Variants in ST6GALNAC5 observed in about 807,000 individuals in gnomAD.
ST6GALNAC5 encodes the protein alpha-N-acetylgalactosaminide alpha-2,6-sialyltransferase 5.
In ST6GALNAC5, 27 loss-of-function variants were observed where a neutral mutation model predicts 33.6. The ratio of observed to expected loss-of-function variants is 0.80; its 90% CI spans 0.59 to 1.11. The LOEUF (loss-of-function observed/expected upper bound fraction) is 1.11, where lower values mean the gene tolerates loss of function less well. Among genes scored for constraint, ST6GALNAC5 ranks in the 50% least tolerant of loss-of-function variants. The probability of loss-of-function intolerance (pLI) is 0.00; values close to 1 mark genes in which losing one functional copy is unlikely to be tolerated. For missense variants in ST6GALNAC5, 428 were observed against 454.0 expected (o/e 0.94, Z 0.52); for synonymous variants, 194 against 171.2 (o/e 1.13, Z -1.04).
At chr1:76,946,229 C>T (rs1038550936) in intron 2 of ST6GALNAC5, among the ~76,000 whole-genome samples, 1 of 152,122 alleles carries the variant, frequency 6.6e-6, no homozygotes, top group Non-Finnish European at 1.5e-5. Flanking sequence ...AAAGTATACA[C>T]TTTACCTCCA....
At chr1:77,022,211 AAACCTTGCTTTATAATATACCTGC>A (rs1651081810) in intron 2 of ST6GALNAC5, among the ~76,000 whole-genome samples, 1 of 152,214 alleles carries the variant, frequency 6.6e-6, no homozygotes, top group African/African-American at 2.4e-5. Context: ...TCTGAAGCAG[AAACCTTGCTTTATAATATACCTGC>A]ACCTTTCCTA....
chr1:77,017,168 A>T (rs1252101359), intron 2 of ST6GALNAC5, among the ~76,000 whole-genome samples: 1 of 143,804 alleles, frequency 7.0e-6, no homozygotes, highest in East Asian at 2.0e-4. Flanking sequence ...AAAAAAAAAA[A>T]GGTAAAGACA....
intron 4 of ST6GALNAC5, among the ~76,000 whole-genome samples, chr1:77,061,025 C>T (rs1207098074): frequency 6.6e-6 from 1 of 152,058 alleles, no homozygotes; most frequent in East Asian, 1.9e-4. Context: ...TCAGCTTCAA[C>T]CTGAATTTTT....
intron 2 of ST6GALNAC5, among the ~76,000 whole-genome samples, chr1:76,984,529 T>C (rs1417918135): frequency 6.6e-6 from 1 of 152,142 alleles, no homozygotes; most frequent in African/African-American, 2.4e-5. Context: ...ATTAATAGCC[T>C]ACCAAAGAAA....
intron 2 of ST6GALNAC5, among the ~76,000 whole-genome samples, chr1:76,872,813 G>T (rs910363944): frequency 6.6e-6 from 1 of 152,084 alleles, no homozygotes; most frequent in Non-Finnish European, 1.5e-5. Context: ...CAATGCTCAG[G>T]TATTATAAGA....
rs1038592082 is a variant in ST6GALNAC5 at position 77,064,867 on chromosome 1, T to G, written c.*1661T>G. ...TTATCGCATTACCACTTCTTTTCCCTTTTCTTAATTAGTACACTAACTAGT... is the reference window on the plus strand; with the variant it reads ...TTATCGCATTACCACTTCTTTTCCCGTTTCTTAATTAGTACACTAACTAGT... On this transcript the variant is annotated 3_prime_UTR_variant, in exon 5 of 5. Transcript: ENST00000477717. 2 of 152,194 alleles carry G rather than the reference T, an allele frequency of 1.3e-5. No individual in the cohort carries two copies. Among genetic ancestry groups the G allele is most frequent in the African/African-American group, 4.8e-5 (2 of 41,452 alleles). The allele number at this position is 152,194 out of a possible 1,614,324, so 9.4% of individuals were successfully genotyped here. A position where few individuals can be genotyped will look rare whatever the true frequency, so the allele number is the denominator to read the frequency against.
At chr1:76,988,746 C>A (rs567290102) in intron 2 of ST6GALNAC5, among the ~76,000 whole-genome samples, 8 of 152,170 alleles carry the variant, frequency 5.3e-5, no homozygotes, top group Non-Finnish European at 1.0e-4. Context: ...TATGTTTTAT[C>A]TGCCACTCTA....
chr1:76,910,436 T>C (rs1646899715), intron 2 of ST6GALNAC5, among the ~76,000 whole-genome samples: 1 of 152,038 alleles, frequency 6.6e-6, no homozygotes, highest in Non-Finnish European at 1.5e-5. Context: ...GAAAGCGTTT[T>C]AGCTGTCTAA....
chr1:76,972,762 G>A (rs1648815644), intron 2 of ST6GALNAC5, among the ~76,000 whole-genome samples: 1 of 152,034 alleles, frequency 6.6e-6, no homozygotes, highest in Non-Finnish European at 1.5e-5. Context: ...CTCCATATGG[G>A]TTATACCATT....
chr1:76,916,629 G>T (rs1646977748), intron 2 of ST6GALNAC5, among the ~76,000 whole-genome samples: 1 of 151,938 alleles, frequency 6.6e-6, no homozygotes, highest in African/African-American at 2.4e-5. Context: ...AAACCACAAG[G>T]CTTGAATAAA....
chr1:76,888,703 G>A (rs995910475), intron 2 of ST6GALNAC5, among the ~76,000 whole-genome samples: 1 of 151,236 alleles, frequency 6.6e-6, no homozygotes, highest in Non-Finnish European at 1.5e-5. Context: ...AAAATTAAAT[G>A]CTTGATTTCT....
At chr1:76,982,655 A>G (rs1649304909) in intron 2 of ST6GALNAC5, among the ~76,000 whole-genome samples, 2 of 152,206 alleles carry the variant, frequency 1.3e-5, no homozygotes, top group Non-Finnish European at 2.9e-5. Context: ...TTCGGGAAAT[A>G]CAGAGAACAC....
Position 76,868,968 on chromosome 1 carries a change from C to A in ST6GALNAC5, c.261+226C>A. On this transcript the variant is annotated intron_variant, in intron 2 of 4. Coordinates refer to ENST00000477717, the MANE Select transcript of ST6GALNAC5 (RefSeq NM_030965.3). This position sits in a 1 kb window ranked among gnomAD's most constrained non-coding sequence, Gnocchi z 4.3. ...AAATAGGGGTGAGGTGCGTGGACCCCAAAGCCTAATTTCCCAGCAGAAATC... is the reference window on the plus strand; with the variant it reads ...AAATAGGGGTGAGGTGCGTGGACCCAAAAGCCTAATTTCCCAGCAGAAATC... 1.6e-6 allele frequency: 1 copy of A among 639,972 alleles called. No individual in the cohort carries two copies. The highest frequency in any genetic ancestry group is 2.4e-6 in the Non-Finnish European group (1 of 422,324). The allele number at this position is 639,972 out of a possible 1,614,324, so 39.6% of individuals were successfully genotyped here.
chr1:76,947,054 C>G (rs542172470), intron 2 of ST6GALNAC5, among the ~76,000 whole-genome samples: 1 of 151,944 alleles, frequency 6.6e-6, no homozygotes, highest in Non-Finnish European at 1.5e-5. Flanking sequence ...AAAGTCATAA[C>G]AATAATTTTT....
intron 2 of ST6GALNAC5, among the ~76,000 whole-genome samples, chr1:76,878,870 G>A (rs1294184519): frequency 6.6e-6 from 1 of 152,148 alleles, no homozygotes; most frequent in Admixed American, 6.5e-5. Flanking sequence ...CTCTACATGA[G>A]TCAGGCTATT....
At chr1:76,948,626 A>AGAGAGAGAGAGAGAGAGAGAG (rs56311943) in intron 2 of ST6GALNAC5, among the ~76,000 whole-genome samples, 3 of 148,246 alleles carry the variant, frequency 2.0e-5, no homozygotes, top group African/African-American at 7.5e-5. Context: ...AGAGAGAGAG[A>AGAGAGAGAGAGAGAGAGAGAG]ACTACTGAAA....
intron 2 of ST6GALNAC5, among the ~76,000 whole-genome samples, chr1:77,027,302 C>T (rs1025244748): frequency 6.6e-6 from 1 of 152,202 alleles, no homozygotes; most frequent in African/African-American, 2.4e-5. Flanking sequence ...AGAGCACCTA[C>T]ATTAGGGGGC....
chr1:77,044,629 G>A lies in ST6GALNAC5; in HGVS notation c.671+16G>A, dbSNP rs757220053. On this transcript the variant is annotated intron_variant, in intron 3 of 4. Coordinates refer to ENST00000477717, the MANE Select transcript of ST6GALNAC5 (RefSeq NM_030965.3). ...GCAAAGACAGGTACAAAGGCACAGG[G>A]AAGAAGATGCAGGGGAGGGTGAGGA... 6.5e-7 allele frequency: 1 copy of A among 1,527,018 alleles called. No individual in the cohort carries two copies. Among genetic ancestry groups the A allele is most frequent in the Non-Finnish European group, 8.8e-7 (1 of 1,135,168 alleles). 94.6% of individuals were successfully genotyped at this position (1,527,018 alleles called of 1,614,324 possible).
At chr1:76,994,838 T>C (rs1649864336) in intron 2 of ST6GALNAC5, among the ~76,000 whole-genome samples, 1 of 152,214 alleles carries the variant, frequency 6.6e-6, no homozygotes, top group Admixed American at 6.5e-5. Flanking sequence ...AAACGTAGTA[T>C]CTGCCCCTGT....
Sources: gnomAD v4.1 joint callset for allele counts (sites outside exome capture counted in the v4.1 genomes callset) on GRCh38, gnomAD v4.1.1 for gene constraint, Gnocchi (gnomAD v3.1) non-coding constraint, MANE v1.5 for transcripts, NCBI Gene and HGNC (gene_info 2026-07-23, HGNC 2026-07-21) for gene names.